Variants in DDOST observed in about 807,000 individuals in gnomAD.
DDOST encodes dolichyl-diphosphooligosaccharide--protein glycosyltransferase non-catalytic subunit.
In DDOST, 25 loss-of-function variants were observed where a neutral mutation model predicts 47.6. The ratio of observed to expected loss-of-function variants is 0.53; its 90% CI spans 0.38 to 0.73. DDOST has a LOEUF of 0.73. DDOST is among the 30% of genes least tolerant of loss of function. The pLI, the probability that DDOST is intolerant of heterozygous loss-of-function variation, is 0.00. For synonymous variants in DDOST, 275 were observed against 236.0 expected (o/e 1.17, Z -1.51); for missense variants, 526 against 573.9 (o/e 0.92, Z 0.85).
rs1557571291 is a variant in DDOST at position 20,653,709 on chromosome 1, C to A, written c.860G>T (p.Gly287Val). 6.2e-7 allele frequency: 1 copy of A among 1,613,910 alleles called. No homozygotes were observed. The highest frequency in any genetic ancestry group is 8.5e-7 in the Non-Finnish European group (1 of 1,179,916). ...ALSRWVFKEEGVLRVGPVSHH... is the reference protein window; with the variant it reads ...ALSRWVFKEEVVLRVGPVSHH... ...GGACACAGGCCCCACACGGAGGACA[C>A]CCTCCTCCTTGAACACCCAGCGGGA... Residue 287 changes from glycine to valine, a missense_variant, in exon 8 of 11, where the codon GGT becomes GTT. Coordinates refer to ENST00000602624, the MANE Select transcript of DDOST (RefSeq NM_005216.5).
intron 7 of DDOST, 58 bp from the exon 8 acceptor site, chr1:20,653,832 G>A: frequency 6.4e-7 from 1 of 1,573,062 alleles, no homozygotes. Flanking sequence ...AGTGGTGCCT[G>A]ATGGGCAGGA....
Position 20,654,233 on chromosome 1 carries a change from C to T in DDOST, c.784G>A (p.Gly262Ser), listed in dbSNP as rs1005246235. 22 of 1,550,510 alleles carry T rather than the reference C, an allele frequency of 1.4e-5. 1 individual carries two copies. Among genetic ancestry groups the T allele is most frequent in the Middle Eastern group, 3.9e-4 (2 of 5,140 alleles). ...CCTCCTGGCAGCTACCTCTGGGAGC[C>T]GGGCGCCGCCTTCTGCACTGCTGAG... ...FNSAVQKAAP[G>S]SQRYSQTGNY... is the part of the protein sequence containing the mutation. The change falls in exon 7 of 11, where the codon GGC (glycine) becomes AGC (serine). Residue 262 changes from glycine to serine, a missense_variant. Physicochemically the swap from Gly to Ser is moderately conservative, Grantham distance 56 (BLOSUM62 0). Transcript: ENST00000602624.
At chr1:20,653,593 C>G in intron 8 of DDOST, 34 bp downstream of exon 8, 1 of 1,174,098 alleles carries the variant, frequency 8.5e-7, no homozygotes, top group Non-Finnish European at 1.2e-6. Context: ...GCTTGGCAAA[C>G]CCTTTGGGCC....
At position 20,660,953 on chromosome 1, in the gene DDOST, G is replaced by C. The variant is rs532150969; in HGVS notation, c.193C>G (p.Pro65Ala). Reference sequence around the variant, plus strand: ...CCATACTTTATGAGAGACAGGCTGGGGTCATCAGCGGTCTTGAATGTGAGC... The same window carrying C: ...CCATACTTTATGAGAGACAGGCTGGCGTCATCAGCGGTCTTGAATGTGAGC... ...FELTFKTADDPSLSLIKYGEF... is the reference protein window; with the variant it reads ...FELTFKTADDASLSLIKYGEF... The change falls in exon 2 of 11, where the codon CCC (proline) becomes GCC (alanine). Residue 65 changes from proline to alanine, a missense_variant. By Grantham distance (27) the Pro-to-Ala change is conservative (BLOSUM62 -1). Transcript: ENST00000602624. 8.7e-6 allele frequency: 14 copies of C among 1,613,920 alleles called. No individual in the cohort carries two copies. The South Asian group carries it at 1.4e-4, about 16-fold the overall frequency.
rs1464019476 is a variant in DDOST, at chr1:20,661,183, G to A, written c.154+14C>T. On this transcript the variant is annotated intron_variant, in intron 1 of 10. Transcript: ENST00000602624. ...CAGGCCCCCACACGCTACCCCCTCG[G>A]ACCCCGCTCTCACCCTTCAGGCTCC... The A allele has an allele frequency of 3.7e-6, 6 of 1,612,560 alleles. No homozygotes were observed. Among genetic ancestry groups the A allele is most frequent in the East Asian group, 4.5e-5 (2 of 44,848 alleles).
intron 5 of DDOST, among the ~76,000 whole-genome samples, chr1:20,655,162 C>CTTT (rs757852250): frequency 8.5e-4 from 74 of 86,868 alleles, no homozygotes; most frequent in African/African-American, 2.2e-3. Context: ...GCTCGGCCAA[C>CTTT]TTTTTTTTGT....
chr1:20,658,143 A>C (rs938917244), intron 2 of DDOST, among the ~76,000 whole-genome samples: 4 of 152,230 alleles, frequency 2.6e-5, no homozygotes, highest in Non-Finnish European at 4.4e-5. Flanking sequence ...AAAACTAGGC[A>C]AATCCCTTCA....
chr1:20,654,562 T>A, intron 6 of DDOST, 52 bp downstream of exon 6: 1 of 1,484,526 alleles, frequency 6.7e-7, no homozygotes, highest in Non-Finnish European at 9.2e-7. Context: ...CAGCCAAATG[T>A]GCTGTTCTGC....
intron 2 of DDOST, 123 bp from the exon 3 acceptor site, chr1:20,656,310 G>A (rs2053373355): frequency 1.4e-6 from 1 of 711,244 alleles, no homozygotes; most frequent in Admixed American, 2.4e-5. Context: ...ACCCTCTGGG[G>A]GCCACAATGA....
At chr1:20,654,589 A>T (rs369489521) in intron 6 of DDOST, 25 bp downstream of exon 6, 2 of 1,536,382 alleles carry the variant, frequency 1.3e-6, no homozygotes, top group Non-Finnish European at 1.8e-6. Context: ...TTTATTTCGA[A>T]GCCTCAAGGT....
In DDOST at chr1:20,654,361, G is replaced by A. The variant is rs765003010; in HGVS notation, c.656C>T (p.Ala219Val). 11 of 1,559,742 alleles carry A rather than the reference G, an allele frequency of 7.1e-6. No homozygotes were observed. In the East Asian group the frequency reaches 7.2e-5, roughly 10 times the overall value. Residue 219 changes from alanine (A) to valine (V), a missense_variant, in exon 7 of 11, where the codon GCG becomes GTG. By Grantham distance (64) the Ala-to-Val change is moderately conservative (BLOSUM62 0). Coordinates refer to ENST00000602624, the MANE Select transcript of DDOST (RefSeq NM_005216.5). The stretch of plus-strand genomic sequence containing the variant: ...AATGAGGAGGGTGTTCTTCCCCACC[G>A]CATGTGGATACTGGGAACAAAACGA... ...PDKPITQYPHAVGKNTLLIAG... is the reference protein window; with the variant it reads ...PDKPITQYPHVVGKNTLLIAG...
rs2053293186 is a variant in DDOST at position 20,651,922 on chromosome 1, T to TCAG, written c.*456_*457insCTG. Reference sequence around the variant, plus strand: ...CTCACTGCAAGCTCTGCCTCTTGGATTCATGCCTTTCTCCTGCCTCAGCCT... The same window carrying TCAG: ...CTCACTGCAAGCTCTGCCTCTTGGATCAGTCATGCCTTTCTCCTGCCTCAGCCT... On this transcript the variant is annotated 3_prime_UTR_variant, in exon 11 of 11. Transcript: ENST00000602624. The TCAG allele has an allele frequency of 6.4e-6, 1 of 155,576 alleles. No homozygotes were observed. The highest frequency in any genetic ancestry group is 1.4e-5 in the Non-Finnish European group (1 of 70,448). 9.6% of individuals were successfully genotyped at this position (155,576 alleles called of 1,614,324 possible). A position where few individuals can be genotyped will look rare whatever the true frequency, so the allele number is the denominator to read the frequency against.
At chr1:20,654,517 T>TGCCCC in intron 6 of DDOST, 97 bp downstream of exon 6, 1 of 1,384,590 alleles carries the variant, frequency 7.2e-7, no homozygotes, top group Non-Finnish European at 1.0e-6. Flanking sequence ...CTTCTGCCCA[T>TGCCCC]GCCCCACCCC....
chr1:20,655,197 AAG>A (rs1160276080), intron 5 of DDOST, among the ~76,000 whole-genome samples: 1 of 107,566 alleles, frequency 9.3e-6, no homozygotes, highest in African/African-American at 3.1e-5. Flanking sequence ...TTTTTTTTTA[AAG>A]AGAGGAGTTC....
rs1465953793 is a variant in DDOST, at chr1:20,652,172, G to A, written c.*207C>T. On this transcript the variant is annotated 3_prime_UTR_variant, in exon 11 of 11. Transcript: ENST00000602624. ...AGGAGTGACTGCACATAGGAAAAAT[G>A]CCACTTTTAGCAATTCAAAGTGGAA... 2.0e-6 allele frequency: 1 copy of A among 499,034 alleles called. No individual in the cohort carries two copies. Among genetic ancestry groups the A allele is most frequent in the Non-Finnish European group, 3.4e-6 (1 of 290,928 alleles). The allele number at this position is 499,034 out of a possible 1,614,324, so 30.9% of individuals were successfully genotyped here.
At chr1:20,655,843 G>T in intron 3 of DDOST, 64 bp from the exon 4 acceptor site, 1 of 1,386,568 alleles carries the variant, frequency 7.2e-7, no homozygotes. Context: ...AAGTGTCCTT[G>T]GCTTCCTTGT....
chr1:20,651,837 A>ATT lies in DDOST; in HGVS notation c.*541_*542insAA, dbSNP rs2053290825. The ATT allele has an allele frequency of 7.1e-6, 1 of 140,858 alleles. No individual in the cohort carries two copies. The highest frequency in any genetic ancestry group is 7.3e-5 in the Admixed American group (1 of 13,618). The allele number at this position is 140,858 out of a possible 1,614,324, so 8.7% of individuals were successfully genotyped here. On this transcript the variant is annotated 3_prime_UTR_variant, in exon 11 of 11. Coordinates refer to ENST00000602624, the MANE Select transcript of DDOST (RefSeq NM_005216.5). Reference sequence around the variant, plus strand: ...TATTTATTTATTTATTTATTTATTTATATTTGAGACAGAGTCTTAACACTG... The same window carrying ATT: ...TATTTATTTATTTATTTATTTATTTATTTATTTGAGACAGAGTCTTAACACTG...
At chr1:20,661,045 T>G in intron 1 of DDOST, 54 bp from the exon 2 acceptor site, 1 of 1,503,710 alleles carries the variant, frequency 6.7e-7, no homozygotes, top group Non-Finnish European at 9.2e-7. Context: ...GGGAAACCCC[T>G]GCTGCAGACA....
At chr1:20,657,492 G>A (rs981559501) in intron 2 of DDOST, among the ~76,000 whole-genome samples, 1 of 152,176 alleles carries the variant, frequency 6.6e-6, no homozygotes, top group African/African-American at 2.4e-5. Flanking sequence ...AGAGGGAGGC[G>A]CGGCAGGCCT....
Sources: gnomAD v4.1 joint callset for allele counts (sites outside exome capture counted in the v4.1 genomes callset) on GRCh38, gnomAD v4.1.1 for gene constraint, MANE v1.5 for transcripts, NCBI Gene and HGNC (gene_info 2026-07-23, HGNC 2026-07-21) for gene names.